The following EXOC4 variants were observed in gnomAD, a reference collection of about 807,000 sequenced individuals.
EXOC4 encodes the protein exocyst complex component 4, also known as SEC8-like 1.
In EXOC4, 71 loss-of-function variants were observed where a neutral mutation model predicts 107.2. The observed-to-expected ratio is 0.66, with a 90% confidence interval of 0.55 to 0.81. EXOC4 has a LOEUF of 0.81. Among genes scored for constraint, EXOC4 ranks in the 30% least tolerant of loss-of-function variants. The probability of loss-of-function intolerance (pLI) is 0.00; values close to 1 mark genes in which losing one functional copy is unlikely to be tolerated. For missense variants in EXOC4, 1,108 were observed against 1,189.6 expected (o/e 0.93, Z 1.01); for synonymous variants, 456 against 441.2 (o/e 1.03, Z -0.42).
intron 9 of EXOC4, among the ~76,000 whole-genome samples, chr7:133,483,363 A>T (rs1799199687): frequency 1.3e-5 from 2 of 152,212 alleles, no homozygotes; most frequent in Non-Finnish European, 2.9e-5. Context: ...AGCTTTATTA[A>T]ATAGAAATAT....
the EXOC4 span, among the ~76,000 whole-genome samples, chr7:134,080,950 G>A: frequency 1.3e-4 from 20 of 152,038 alleles, no homozygotes; most frequent in Non-Finnish European, 2.1e-4. Context: ...TAAAAAAATT[G>A]TAAACACATA....
intron 12 of EXOC4, among the ~76,000 whole-genome samples, chr7:133,902,533 C>G (rs1799475546): frequency 6.6e-6 from 1 of 152,024 alleles, no homozygotes; most frequent in Non-Finnish European, 1.5e-5. Flanking sequence ...GGGAGATAGA[C>G]AATAAATGAA....
intron 13 of EXOC4, chr7:133,930,560 TC>T (rs1042884879): frequency 5.3e-5 from 8 of 152,050 alleles, no homozygotes; most frequent in African/African-American, 1.9e-4. Context: ...CACTGATACA[TC>T]AGTGTACTCT....
intron 10 of EXOC4, among the ~76,000 whole-genome samples, chr7:133,703,742 T>G (rs1476093216): frequency 5.9e-5 from 9 of 152,176 alleles, no homozygotes; most frequent in Non-Finnish European, 1.2e-4. Flanking sequence ...CATCCTTAAT[T>G]CCTGTAGGAG....
rs150836476 is a variant in EXOC4, at chr7:133,634,638, C to T, written c.1514+4497C>T. 2.2e-3 allele frequency among the ~76,000 whole-genome samples: 336 copies of T among 152,212 alleles called. 1 individual carries two copies. The highest frequency in any genetic ancestry group is 7.4e-3 in the African/African-American group (306 of 41,534). On this transcript the variant is annotated intron_variant, in intron 10 of 17. Transcript: ENST00000253861. ...CCAGATAGCTGGGGTTACAGGCATG[C>T]GCCACCATGCCCGGCTAATATGTTT...
chr7:134,003,440 T>C (rs1012338165), intron 15 of EXOC4, among the ~76,000 whole-genome samples: 5 of 152,168 alleles, frequency 3.3e-5, no homozygotes, highest in African/African-American at 9.7e-5. Context: ...AGTTATACTG[T>C]TTGTAAATTA....
chr7:133,661,672 T>TAAAAATAAAA (rs1793683277), intron 10 of EXOC4, among the ~76,000 whole-genome samples: 1 of 13,450 alleles, frequency 7.4e-5, no homozygotes, highest in African/African-American at 2.7e-4. Flanking sequence ...TCCTTAAAAC[T>TAAAAATAAAA]AAAAAAAAAA....
chr7:133,538,003 G>T (rs1554469265), intron 9 of EXOC4, among the ~76,000 whole-genome samples: 1 of 151,522 alleles, frequency 6.6e-6, no homozygotes, highest in Non-Finnish European at 1.5e-5. Flanking sequence ...GTTTTTTTTG[G>T]TATACTTTCT....
chr7:133,466,296 T>A (rs1466867452), intron 7 of EXOC4, among the ~76,000 whole-genome samples: 1 of 152,042 alleles, frequency 6.6e-6, no homozygotes, highest in Non-Finnish European at 1.5e-5. Flanking sequence ...TGATATATCT[T>A]TAAGTAGACC....
At chr7:133,455,947 C>T (rs949206237) in intron 7 of EXOC4, among the ~76,000 whole-genome samples, 2 of 152,188 alleles carry the variant, frequency 1.3e-5, no homozygotes, top group Non-Finnish European at 2.9e-5. Context: ...TAGGTTTACC[C>T]TCTGAGAAAA....
At chr7:133,329,713 G>A (rs573137997) in intron 5 of EXOC4, among the ~76,000 whole-genome samples, 116 of 152,282 alleles carry the variant, frequency 7.6e-4, no homozygotes, top group African/African-American at 2.7e-3. Flanking sequence ...TTTGCTGGAG[G>A]TACACTCCAG....
At chr7:133,582,104 G>A (rs1034663418) in intron 9 of EXOC4, among the ~76,000 whole-genome samples, 3 of 152,148 alleles carry the variant, frequency 2.0e-5, no homozygotes, top group African/African-American at 7.2e-5. Flanking sequence ...GGGACACAGA[G>A]TCAAACCATA....
chr7:133,291,505 C>G (rs1794404638), intron 3 of EXOC4, among the ~76,000 whole-genome samples: 1 of 151,602 alleles, frequency 6.6e-6, no homozygotes, highest in Non-Finnish European at 1.5e-5. Flanking sequence ...CCTCAGCCTC[C>G]CAAGTACCTG....
chr7:133,642,620 G>GT (rs1168316947), intron 10 of EXOC4, among the ~76,000 whole-genome samples: 5 of 152,112 alleles, frequency 3.3e-5, no homozygotes, highest in African/African-American at 9.7e-5. Flanking sequence ...TTCCTAACTG[G>GT]TTTCTGCTAC....
intron 17 of EXOC4, among the ~76,000 whole-genome samples, chr7:134,049,479 C>T (rs1027174844): frequency 2.0e-5 from 3 of 152,206 alleles, no homozygotes; most frequent in African/African-American, 7.2e-5. Flanking sequence ...TTCCTACTGT[C>T]CCACCCAGTT....
the EXOC4 span, among the ~76,000 whole-genome samples, chr7:134,082,157 A>G: frequency 3.5e-5 from 5 of 141,890 alleles, no homozygotes; most frequent in Admixed American, 7.1e-5. Flanking sequence ...TAGGCAGAGC[A>G]GCCCTGAGGG....
chr7:133,969,997 A>C (rs1801165384), intron 14 of EXOC4, among the ~76,000 whole-genome samples: 2 of 152,250 alleles, frequency 1.3e-5, no homozygotes, highest in South Asian at 4.2e-4. Flanking sequence ...TTTTATCCAT[A>C]AGCCCCTGAC....
intron 9 of EXOC4, among the ~76,000 whole-genome samples, chr7:133,491,242 T>A (rs1308007441): frequency 6.6e-6 from 1 of 152,256 alleles, no homozygotes; most frequent in South Asian, 2.1e-4. Flanking sequence ...TAATATAGGA[T>A]GTTCATTCCT....
At chr7:133,974,951 CA>C (rs1793792537) in intron 14 of EXOC4, among the ~76,000 whole-genome samples, 1 of 151,936 alleles carries the variant, frequency 6.6e-6, no homozygotes, top group Admixed American at 6.6e-5. Flanking sequence ...GCTTTCACCC[CA>C]AATTATGGCA....
Sources: gnomAD v4.1 joint callset for allele counts (sites outside exome capture counted in the v4.1 genomes callset) on GRCh38, gnomAD v4.1.1 for gene constraint, MANE v1.5 for transcripts, NCBI Gene and HGNC (gene_info 2026-07-23, HGNC 2026-07-21) for gene names.